The following PRLHR variants were observed in gnomAD, a reference collection of about 807,000 sequenced individuals.
The protein encoded by PRLHR is prolactin releasing hormone receptor.
In PRLHR, 10 loss-of-function variants were observed where a neutral mutation model predicts 9.3. The observed-to-expected ratio is 1.08, with a 90% confidence interval of 0.66 to 1.82. The LOEUF (loss-of-function observed/expected upper bound fraction) is 1.82, where lower values mean the gene tolerates loss of function less well. Among genes scored for constraint, PRLHR ranks in the 40% most tolerant of loss-of-function variants. PRLHR has a pLI of 0.00. For synonymous variants in PRLHR, 261 were observed against 249.3 expected, an observed-to-expected ratio of 1.05 and a Z score of -0.44; for missense variants, 589 against 512.0, an observed-to-expected ratio of 1.15 and a Z score of -1.45.
At position 118,590,872 on chromosome 10, in the gene PRLHR, A is replaced by T. The variant is rs901890815; in HGVS notation, c.*3260T>A. 1.3e-5 allele frequency: 2 copies of T among 152,198 alleles called. No homozygotes were observed. The highest frequency in any genetic ancestry group is 4.8e-5 in the African/African-American group (2 of 41,450). 9.4% of individuals were successfully genotyped at this position (152,198 alleles called of 1,614,324 possible). A position where few individuals can be genotyped will look rare whatever the true frequency, so the allele number is the denominator to read the frequency against. ...GTAAAGATGTTTATAAGCACAATCT[A>T]ATTCTCCAACCTCTTTAAGCTCTTT... On this transcript the variant is annotated 3_prime_UTR_variant, in exon 2 of 2. Coordinates refer to ENST00000239032, the MANE Select transcript of PRLHR (RefSeq NM_004248.3).
Position 118,593,560 on chromosome 10 carries a change from A to G in PRLHR, c.*572T>C, listed in dbSNP as rs770666314. ...TAAACTCAAGTGGTTTTAAAACGAA[A>G]CCCTTTTGGCATATAAAGGTCTTAC... On this transcript the variant is annotated 3_prime_UTR_variant, in exon 2 of 2. Transcript: ENST00000239032. 4 of 152,076 alleles carry G rather than the reference A, an allele frequency of 2.6e-5. No individual in the cohort carries two copies. Among genetic ancestry groups the G allele is most frequent in the African/African-American group, 9.7e-5 (4 of 41,400 alleles). The allele number at this position is 152,076 out of a possible 1,614,324, so 9.4% of individuals were successfully genotyped here. A position where few individuals can be genotyped will look rare whatever the true frequency, so the allele number is the denominator to read the frequency against.
Position 118,594,360 on chromosome 10 carries a change from G to A in PRLHR, c.885C>T (p.His295=), listed in dbSNP as rs762826617. The change falls in exon 2 of 2, where the codon CAC becomes CAT. Residue 295 remains histidine (H), a synonymous_variant. Coordinates refer to ENST00000239032, the MANE Select transcript of PRLHR (RefSeq NM_004248.3). ...VVFAVCWLPL[H]VFNLLRDLDP... is the part of the protein sequence containing the mutation. The stretch of plus-strand genomic sequence containing the variant: ...CGAGGTCCCGCAGCAGGTTGAAGAC[G>A]TGCAGCGGCAGCCAGCAGACGGCGA... 3.1e-5 allele frequency: 49 copies of A among 1,600,506 alleles called. 1 individual carries two copies. The Admixed American group carries it at 5.2e-4, about 17-fold the overall frequency.
chr10:118,594,943 T>G lies in PRLHR; in HGVS notation c.302A>C (p.Asn101Thr). 1 of 1,613,604 alleles carries G rather than the reference T, an allele frequency of 6.2e-7. No individual in the cohort carries two copies. Residue 101 changes from asparagine to threonine, a missense_variant, in exon 2 of 2, where the codon AAC (asparagine) becomes ACC (threonine). Transcript: ENST00000239032. The stretch of plus-strand genomic sequence containing the variant: ...CATGAGCACGTCGGACAAGGCCAGG[T>G]TGCCGATGAGGAAGTTCGTCACGTT... ...LHNVTNFLIG[N>T]LALSDVLMCT...
Position 118,595,143 on chromosome 10 carries a change from C to G in PRLHR, c.102G>C (p.Ala34=), listed in dbSNP as rs1415088251. 6.3e-7 allele frequency: 1 copy of G among 1,597,608 alleles called. No individual in the cohort carries two copies. The highest frequency in any genetic ancestry group is 1.7e-4 in the Middle Eastern group (1 of 6,052). Residue 34 remains alanine (A), a synonymous_variant, in exon 2 of 2, where the codon GCG becomes GCC. Transcript: ENST00000239032. ...TPANQSAEAS[A]GNGSVAGADA... is the part of the protein sequence containing the mutation. ...CCGCGCCAGCCACCGACCCGTTGCC[C>G]GCCGAGGCCTCTGCGCTCTGGTTGG...
At position 118,593,450 on chromosome 10, in the gene PRLHR, T is replaced by A. The variant is rs1844450255; in HGVS notation, c.*682A>T. On this transcript the variant is annotated 3_prime_UTR_variant, in exon 2 of 2. Coordinates refer to ENST00000239032, the MANE Select transcript of PRLHR (RefSeq NM_004248.3). ...TCTCTTCATTGACTAATTCGTCTCATCATTTTTAAATAGTAGTTGGGGAGG... is the reference window on the plus strand; with the variant it reads ...TCTCTTCATTGACTAATTCGTCTCAACATTTTTAAATAGTAGTTGGGGAGG... The A allele has an allele frequency of 6.6e-6, 1 of 152,236 alleles. No homozygotes were observed. The highest frequency in any genetic ancestry group is 1.5e-5 in the Non-Finnish European group (1 of 68,054). 9.4% of individuals were successfully genotyped at this position (152,236 alleles called of 1,614,324 possible).
chr10:118,594,754 A>T lies in PRLHR; in HGVS notation c.491T>A (p.Val164Glu). Residue 164 changes from valine (V) to glutamate (E), a missense_variant, in exon 2 of 2, where the codon GTG (valine) becomes GAG (glutamate). Coordinates refer to ENST00000239032, the MANE Select transcript of PRLHR (RefSeq NM_004248.3). The part of the protein sequence containing the change: ...TIAVDRYVVL[V>E]HPLRRRISLR... ...CGAGATGCGCCGCCTCAGCGGGTGC[A>T]CCAGCACGACGTAGCGGTCCACTGC... 3 of 1,609,292 alleles carry T rather than the reference A, an allele frequency of 1.9e-6. No homozygotes were observed. The highest frequency in any genetic ancestry group is 2.5e-6 in the Non-Finnish European group (3 of 1,179,238).
In PRLHR at chr10:118,594,273, G is replaced by A; in HGVS notation, c.972C>T (p.Ala324=). The part of the protein sequence containing the change: ...GLVQLLCHWL[A]MSSACYNPFI... ...AGGGGTTGTAGCAGGCCGAACTCAT[G>A]GCGAGCCAGTGGCAGAGCAGCTGCA... The change falls in exon 2 of 2, where the codon GCC becomes GCT. Residue 324 remains alanine, a synonymous_variant. Coordinates refer to ENST00000239032, the MANE Select transcript of PRLHR (RefSeq NM_004248.3). 6.2e-7 allele frequency: 1 copy of A among 1,605,770 alleles called. No individual in the cohort carries two copies. Among genetic ancestry groups the A allele is most frequent in the Non-Finnish European group, 8.5e-7 (1 of 1,176,994 alleles).
chr10:118,595,390 G>T (rs1340977428), intron 1 of PRLHR, 126 bp downstream of exon 1: 2 of 724,628 alleles, frequency 2.8e-6, no homozygotes, highest in Non-Finnish European at 4.4e-6. Context: ...GTAGCAAAAA[G>T]TGTTGTCCTC....
At position 118,593,320 on chromosome 10, in the gene PRLHR, A is replaced by C. The variant is rs1256704322; in HGVS notation, c.*812T>G. 3 of 152,266 alleles carry C rather than the reference A, an allele frequency of 2.0e-5. No individual in the cohort carries two copies. Among genetic ancestry groups the C allele is most frequent in the South Asian group, 2.1e-4 (1 of 4,836 alleles). 9.4% of individuals were successfully genotyped at this position (152,266 alleles called of 1,614,324 possible). ...TGGCAAACACTGAATGTGTACCCACACATACACACACATACACAAACACAC... is the reference window on the plus strand; with the variant it reads ...TGGCAAACACTGAATGTGTACCCACCCATACACACACATACACAAACACAC... On this transcript the variant is annotated 3_prime_UTR_variant, in exon 2 of 2. Transcript: ENST00000239032.
rs1163095673 is a variant in PRLHR at position 118,590,060 on chromosome 10, G to A, written c.*4072C>T. 3 of 152,188 alleles carry A rather than the reference G, an allele frequency of 2.0e-5. No individual in the cohort carries two copies. In the East Asian group the frequency reaches 5.8e-4, roughly 29 times the overall value. The allele number at this position is 152,188 out of a possible 1,614,324, so 9.4% of individuals were successfully genotyped here. On this transcript the variant is annotated 3_prime_UTR_variant, in exon 2 of 2. Transcript: ENST00000239032. ...AACACAGTATAAACCCCAGCATGTA[G>A]AGCTTCACATGTGATTCAGCAACAC... is the stretch of plus-strand genomic sequence containing the variant.
rs1318466329 is a variant in PRLHR at position 118,594,119 on chromosome 10, T to C, written c.*13A>G. ...GAAGTGGAGCTCCTTGACCAAGGCC[T>C]GGCTAAGTGGCATCAGATGACCACG... On this transcript the variant is annotated 3_prime_UTR_variant, in exon 2 of 2. Transcript: ENST00000239032. 1.3e-6 allele frequency: 2 copies of C among 1,513,012 alleles called. No individual in the cohort carries two copies. Among genetic ancestry groups the C allele is most frequent in the Admixed American group, 2.2e-5 (1 of 44,642 alleles). 93.7% of individuals were successfully genotyped at this position (1,513,012 alleles called of 1,614,324 possible). A position where few individuals can be genotyped will look rare whatever the true frequency, so the allele number is the denominator to read the frequency against.
In PRLHR at chr10:118,594,498, T is replaced by A. The variant is rs41300243; in HGVS notation, c.747A>T (p.Ser249=). 5 of 1,596,654 alleles carry A rather than the reference T, an allele frequency of 3.1e-6. No individual in the cohort carries two copies. The highest frequency in any genetic ancestry group is 3.4e-5 in the Admixed American group (2 of 58,346). The part of the protein sequence containing the change: ...LVILLSYVRV[S]VKLRNRVVPG... ...GCACCACGCGGTTGCGGAGCTTCACTGACACCCGGACGTAAGACAGGAGGA... is the reference window on the plus strand; with the variant it reads ...GCACCACGCGGTTGCGGAGCTTCACAGACACCCGGACGTAAGACAGGAGGA... Residue 249 remains serine, a synonymous_variant, in exon 2 of 2, where the codon TCA becomes TCT. Coordinates refer to ENST00000239032, the MANE Select transcript of PRLHR (RefSeq NM_004248.3).
At position 118,594,366 on chromosome 10, in the gene PRLHR, C is replaced by G; in HGVS notation, c.879G>C (p.Pro293=). Reference sequence around the variant, plus strand: ...CCCGCAGCAGGTTGAAGACGTGCAGCGGCAGCCAGCAGACGGCGAACACCA... The same window carrying G: ...CCCGCAGCAGGTTGAAGACGTGCAGGGGCAGCCAGCAGACGGCGAACACCA... ...IVVVFAVCWL[P]LHVFNLLRDL... is the part of the protein sequence containing the mutation. Residue 293 remains proline (P), a synonymous_variant, in exon 2 of 2, where the codon CCG becomes CCC. Coordinates refer to ENST00000239032, the MANE Select transcript of PRLHR (RefSeq NM_004248.3). The G allele has an allele frequency of 6.2e-7, 1 of 1,600,158 alleles. No individual in the cohort carries two copies. The highest frequency in any genetic ancestry group is 2.2e-5 in the East Asian group (1 of 44,800).
chr10:118,594,965 C>G lies in PRLHR; in HGVS notation c.280G>C (p.Val94Leu). 2 of 1,613,688 alleles carry G rather than the reference C, an allele frequency of 1.2e-6. No homozygotes were observed. Among genetic ancestry groups the G allele is most frequent in the Non-Finnish European group, 8.5e-7 (1 of 1,179,914 alleles). The change falls in exon 2 of 2, where the codon GTG becomes CTG. Residue 94 changes from valine to leucine, a missense_variant. Physicochemically the swap from Val to Leu is conservative, Grantham distance 32 (BLOSUM62 1). Coordinates refer to ENST00000239032, the MANE Select transcript of PRLHR (RefSeq NM_004248.3). The stretch of plus-strand genomic sequence containing the variant: ...AGGTTGCCGATGAGGAAGTTCGTCA[C>G]GTTGTGCAGCCGGCGCACCCGCGCG... ...VIARVRRLHN[V>L]TNFLIGNLAL...
chr10:118,594,346 A>G lies in PRLHR; in HGVS notation c.899T>C (p.Leu300Pro), dbSNP rs760834249. Residue 300 changes from leucine to proline, a missense_variant, in exon 2 of 2, where the codon CTG becomes CCG. Leu to Pro is a moderately conservative substitution (Grantham distance 98). Transcript: ENST00000239032. ...CWLPLHVFNL[L>P]RDLDPHAIDP... is the part of the protein sequence containing the mutation. ...GATGGCGTGGGGGTCGAGGTCCCGC[A>G]GCAGGTTGAAGACGTGCAGCGGCAG... 1.2e-6 allele frequency: 2 copies of G among 1,600,340 alleles called. No individual in the cohort carries two copies. The highest frequency in any genetic ancestry group is 4.5e-5 in the East Asian group (2 of 44,782).
rs1402095734 is a variant in PRLHR, at chr10:118,591,050, G to A, written c.*3082C>T. On this transcript the variant is annotated 3_prime_UTR_variant, in exon 2 of 2. Transcript: ENST00000239032. Reference sequence around the variant, plus strand: ...CTTTTTCTAACACCCTGACAACCAGGATTTAAAATAATTCATGGTATGTAA... The same window carrying A: ...CTTTTTCTAACACCCTGACAACCAGAATTTAAAATAATTCATGGTATGTAA... The A allele has an allele frequency of 6.6e-6, 1 of 152,078 alleles. No homozygotes were observed. The highest frequency in any genetic ancestry group is 1.9e-4 in the East Asian group (1 of 5,198). The allele number at this position is 152,078 out of a possible 1,614,324, so 9.4% of individuals were successfully genotyped here.
Position 118,594,015 on chromosome 10 carries a change from GC to G in PRLHR, c.*116del. On this transcript the variant is annotated 3_prime_UTR_variant, in exon 2 of 2. Coordinates refer to ENST00000239032, the MANE Select transcript of PRLHR (RefSeq NM_004248.3). ...ACAAGAGGGCTGGGCTGGAAATGTT[GC>G]CCTATGTTGGCTTAGCTAGCTCTGG... 7.1e-7 allele frequency: 1 copy of G among 1,410,616 alleles called. No individual in the cohort carries two copies. Among genetic ancestry groups the G allele is most frequent in the Non-Finnish European group, 9.3e-7 (1 of 1,072,406 alleles). 87.4% of individuals were successfully genotyped at this position (1,410,616 alleles called of 1,614,324 possible). A position where few individuals can be genotyped will look rare whatever the true frequency, so the allele number is the denominator to read the frequency against.
rs7068777 is a variant in PRLHR, at chr10:118,594,209, G to A, written c.1036C>T (p.Leu346=). The A allele has an allele frequency of 3.0e-3, 4,791 of 1,581,886 alleles. 107 individuals carry two copies. The African/African-American group carries it at 0.053, about 17-fold the overall frequency. Residue 346 remains leucine (L), a synonymous_variant, in exon 2 of 2, where the codon CTG becomes TTG. Transcript: ENST00000239032. ...GGCCAAGCGACCAACAGTTTGCGCA[G>A]CTCCTCGCGGAAGCTGTCGTGCAGC... ...AWLHDSFREE[L]RKLLVAWPRK...
rs1460828794 is a variant in PRLHR, at chr10:118,595,207, T to C, written c.38A>G (p.Asp13Gly). 6.4e-7 allele frequency: 1 copy of C among 1,557,406 alleles called. No homozygotes were observed. Among genetic ancestry groups the C allele is most frequent in the African/African-American group, 1.4e-5 (1 of 73,444 alleles). ...CGCCGGCGGCAGCCCAGAAAATAAG[T>C]CAGAAACCCTGGGGCCCCGAGTGGT... The part of the protein sequence containing the change: ...SSTTRGPRVS[D>G]LFSGLPPAVT... The change falls in exon 2 of 2, where the codon GAC (aspartate) becomes GGC (glycine). Residue 13 changes from aspartate (D) to glycine (G), a missense_variant. Transcript: ENST00000239032.
Sources: allele counts gnomAD v4.1 joint callset, GRCh38; gene constraint gnomAD v4.1.1; transcripts MANE v1.5; gene names NCBI Gene and HGNC (gene_info 2026-07-23, HGNC 2026-07-21).